DLG2: variants seen among roughly 807,000 people sequenced by gnomAD.
DLG2 encodes disks large homolog 2.
DLG2 carries 45 observed loss-of-function variants against 132.5 expected under a neutral mutation model. That is an observed-to-expected ratio of 0.34 (90% CI 0.27 to 0.44). The LOEUF is 0.44. DLG2 is among the 20% of genes least tolerant of loss of function. The probability of loss-of-function intolerance (pLI) is 1.00; values close to 1 mark genes in which losing one functional copy is unlikely to be tolerated. For missense variants in DLG2, 1,045 were observed against 1,196.9 expected (o/e 0.87, Z 1.87); for synonymous variants, 424 against 419.6 (o/e 1.01, Z -0.13).
chr11:84,191,936 A>C (rs1392189584), intron 8 of DLG2, among the ~76,000 whole-genome samples: 1 of 149,690 alleles, frequency 6.7e-6, no homozygotes, highest in African/African-American at 2.5e-5. Context: ...CTGAGCACGG[A>C]GTAACATTTT....
chr11:84,615,337 C>T (rs144333855), intron 6 of DLG2, among the ~76,000 whole-genome samples: 199 of 152,044 alleles, frequency 1.3e-3, no homozygotes, highest in East Asian at 7.5e-3. Flanking sequence ...CAGACATGGA[C>T]GCAAACAGAG....
At chr11:83,953,015 A>G (rs1476145919) in intron 14 of DLG2, among the ~76,000 whole-genome samples, 1 of 152,230 alleles carries the variant, frequency 6.6e-6, no homozygotes, top group Non-Finnish European at 1.5e-5. Flanking sequence ...TATATAAAGC[A>G]GTATTTTCAA....
chr11:85,497,329 G>A (rs2093690427), intron 3 of DLG2, among the ~76,000 whole-genome samples: 1 of 151,580 alleles, frequency 6.6e-6, no homozygotes, highest in South Asian at 2.1e-4. Context: ...AAGGATATCA[G>A]TGATTGAAGA....
At chr11:83,747,336 CT>C (rs2092996168) in intron 18 of DLG2, among the ~76,000 whole-genome samples, 1 of 149,814 alleles carries the variant, frequency 6.7e-6, no homozygotes, top group Non-Finnish European at 1.5e-5. Flanking sequence ...TCCTGCCTTC[CT>C]TCCTGCCTTC....
intron 6 of DLG2, among the ~76,000 whole-genome samples, chr11:84,759,137 C>T (rs188951144): frequency 1.2e-4 from 19 of 152,232 alleles, no homozygotes; most frequent in African/African-American, 1.9e-4. Flanking sequence ...CTTGGCCTCC[C>T]GAAGTGCTGG....
chr11:83,985,330 CT>C (rs1277424389), intron 11 of DLG2, among the ~76,000 whole-genome samples: 2 of 151,906 alleles, frequency 1.3e-5, no homozygotes, highest in Non-Finnish European at 2.9e-5. Context: ...CTTGACGTTT[CT>C]TTTTTTATTT....
At chr11:84,543,805 A>T (rs2154522658) in intron 6 of DLG2, among the ~76,000 whole-genome samples, 1 of 152,314 alleles carries the variant, frequency 6.6e-6, no homozygotes, top group Non-Finnish European at 1.5e-5. Flanking sequence ...CAGGTGCTCC[A>T]TTTGAATTTT....
At chr11:85,478,130 C>A (rs1159660468) in intron 3 of DLG2, among the ~76,000 whole-genome samples, 1 of 151,998 alleles carries the variant, frequency 6.6e-6, no homozygotes, top group Non-Finnish European at 1.5e-5. Context: ...GCCTCAGCTT[C>A]CCAAGGAACT....
chr11:83,636,208 T>A (rs538531739), intron 18 of DLG2, among the ~76,000 whole-genome samples: 7 of 152,172 alleles, frequency 4.6e-5, no homozygotes, highest in Non-Finnish European at 8.8e-5. Flanking sequence ...TGCTACTTCA[T>A]TGCATTCATC....
chr11:83,540,857 C>A (rs975478674), intron 20 of DLG2, among the ~76,000 whole-genome samples: 2 of 152,106 alleles, frequency 1.3e-5, no homozygotes, highest in African/African-American at 4.8e-5. Context: ...TATATCTAGT[C>A]TCTGGGATAC....
chr11:83,754,186 A>AC (rs1342397888), intron 18 of DLG2, among the ~76,000 whole-genome samples: 1 of 150,510 alleles, frequency 6.6e-6, no homozygotes, highest in South Asian at 2.1e-4. Context: ...AAAATACTTG[A>AC]CCCCCGCAAA....
intron 19 of DLG2, among the ~76,000 whole-genome samples, chr11:83,556,911 A>G (rs1464231928): frequency 1.3e-5 from 2 of 152,100 alleles, no homozygotes; most frequent in East Asian, 1.9e-4. Context: ...TGTCTAACTG[A>G]CCCCTGGCCA....
intron 2 of DLG2, among the ~76,000 whole-genome samples, chr11:85,614,517 G>A (rs1215149963): frequency 2.6e-5 from 4 of 152,114 alleles, no homozygotes; most frequent in African/African-American, 7.2e-5. Context: ...GCCCATGCCT[G>A]TAATCCCAGC....
At chr11:84,367,965 T>C (rs185881460) in intron 7 of DLG2, among the ~76,000 whole-genome samples, 1 of 152,256 alleles carries the variant, frequency 6.6e-6, no homozygotes, top group East Asian at 1.9e-4. Flanking sequence ...ACACATCTCT[T>C]TATTTATACT....
chr11:85,186,852 A>G (rs1164002644), intron 4 of DLG2, among the ~76,000 whole-genome samples: 1 of 151,950 alleles, frequency 6.6e-6, no homozygotes, highest in East Asian at 1.9e-4. Context: ...CATTTTAAAA[A>G]CTCCTTTAGA....
chr11:83,826,609 C>T (rs1438605258), intron 17 of DLG2, among the ~76,000 whole-genome samples: 1 of 152,164 alleles, frequency 6.6e-6, no homozygotes, highest in Non-Finnish European at 1.5e-5. Context: ...CTAAATTTAA[C>T]TGGTCAGATT....
At chr11:84,622,402 T>G (rs2099615588) in intron 6 of DLG2, among the ~76,000 whole-genome samples, 1 of 152,074 alleles carries the variant, frequency 6.6e-6, no homozygotes, top group South Asian at 2.1e-4. Context: ...GTATTACGAG[T>G]GTAATCAGAC....
intron 14 of DLG2, among the ~76,000 whole-genome samples, chr11:83,934,392 TTTA>T (rs1434974515): frequency 6.6e-6 from 1 of 152,170 alleles, no homozygotes; most frequent in African/African-American, 2.4e-5. Context: ...TTGCATTAAT[TTTA>T]TTTTCTAAAA....
intron 18 of DLG2, among the ~76,000 whole-genome samples, chr11:83,660,031 A>G (rs1402910435): frequency 6.6e-6 from 1 of 152,244 alleles, no homozygotes; most frequent in Non-Finnish European, 1.5e-5. Flanking sequence ...CTTTACAAAT[A>G]AACGTTGTAT....
Sources: allele counts gnomAD v4.1 joint callset (sites outside exome capture counted in the v4.1 genomes callset), GRCh38; gene constraint gnomAD v4.1.1; transcripts MANE v1.5; gene names NCBI Gene and HGNC (gene_info 2026-07-23, HGNC 2026-07-21).